SLMAP: variants seen among roughly 807,000 people sequenced by gnomAD.
SLMAP encodes sarcolemma associated protein.
A neutral mutation model predicts 128.8 loss-of-function variants in SLMAP; 44 were observed. The ratio of observed to expected loss-of-function variants is 0.34; its 90% CI spans 0.27 to 0.44. The LOEUF is 0.44. Among genes scored for constraint, SLMAP ranks in the 20% least tolerant of loss-of-function variants. The pLI, the probability that SLMAP is intolerant of heterozygous loss-of-function variation, is 1.00. For missense variants in SLMAP, 787 were observed against 985.3 expected, an observed-to-expected ratio of 0.80 and a Z score of 2.69; for synonymous variants, 327 against 348.8, an observed-to-expected ratio of 0.94 and a Z score of 0.70.
intron 14 of SLMAP, among the ~76,000 whole-genome samples, chr3:57,889,133 C>A (rs761493515): frequency 6.6e-6 from 1 of 152,226 alleles, no homozygotes; most frequent in Non-Finnish European, 1.5e-5. Flanking sequence ...ATCCACCCGC[C>A]TTGGCCTCCC....
chr3:57,758,224 C>T (rs988045599), intron 2 of SLMAP, among the ~76,000 whole-genome samples: 1 of 152,162 alleles, frequency 6.6e-6, no homozygotes, highest in African/African-American at 2.4e-5. Context: ...TCGGGGAATC[C>T]GTGGCCATTA....
intron 2 of SLMAP, among the ~76,000 whole-genome samples, chr3:57,818,957 G>A (rs2092232091): frequency 6.6e-6 from 1 of 152,174 alleles, no homozygotes; most frequent in African/African-American, 2.4e-5. Context: ...TATCATGAGA[G>A]GTGTTTGAAC....
intron 2 of SLMAP, among the ~76,000 whole-genome samples, chr3:57,796,713 T>C (rs2086815716): frequency 6.6e-6 from 1 of 152,208 alleles, no homozygotes; most frequent in African/African-American, 2.4e-5. Flanking sequence ...TCACAGAGAC[T>C]GATTATAAAA....
At chr3:57,796,701 C>T (rs935641357) in intron 2 of SLMAP, among the ~76,000 whole-genome samples, 1 of 152,112 alleles carries the variant, frequency 6.6e-6, no homozygotes, top group African/African-American at 2.4e-5. Context: ...ATAACAGTTT[C>T]ATCACAGAGA....
rs147345389 is a variant in SLMAP, at chr3:57,801,944, A to T, written c.199-29439A>T. On this transcript the variant is annotated intron_variant, in intron 2 of 24. Transcript: ENST00000671191. ...AATACTTTTTGCTACATTTGACAGT[A>T]ACAAACTGAATCCTTTAAATTTTTA... Among the ~76,000 whole-genome samples, 486 of 152,316 alleles carry T rather than the reference A, an allele frequency of 3.2e-3. 2 individuals carry two copies. Among genetic ancestry groups the T allele is most frequent in the Non-Finnish European group, 5.9e-3 (400 of 68,030 alleles).
At chr3:57,806,460 CAG>C (rs2089887485) in intron 2 of SLMAP, among the ~76,000 whole-genome samples, 2 of 151,572 alleles carry the variant, frequency 1.3e-5, no homozygotes, top group Admixed American at 1.3e-4. Flanking sequence ...TTTTTTGAGA[CAG>C]AGTCTTGCTC....
intron 2 of SLMAP, among the ~76,000 whole-genome samples, chr3:57,808,180 T>G (rs2090258293): frequency 6.6e-6 from 1 of 152,160 alleles, no homozygotes; most frequent in Non-Finnish European, 1.5e-5. Flanking sequence ...GCAGTCTATC[T>G]ATTTTGTTAA....
At chr3:57,780,286 A>G (rs1361566944) in intron 2 of SLMAP, among the ~76,000 whole-genome samples, 4 of 151,922 alleles carry the variant, frequency 2.6e-5, no homozygotes. Context: ...AGCTGGAACT[A>G]CAGGTGCACA....
intron 4 of SLMAP, among the ~76,000 whole-genome samples, chr3:57,842,899 T>G (rs2094006974): frequency 6.6e-6 from 1 of 152,176 alleles, no homozygotes. Flanking sequence ...AGTTGGGTAG[T>G]CCAGTTTAAA....
intron 13 of SLMAP, among the ~76,000 whole-genome samples, chr3:57,867,160 C>A (rs1448278999): frequency 6.6e-6 from 1 of 152,166 alleles, no homozygotes; most frequent in Non-Finnish European, 1.5e-5. Flanking sequence ...ACCTGGGCAA[C>A]AGAGTGAGAC....
intron 14 of SLMAP, among the ~76,000 whole-genome samples, chr3:57,879,935 G>T (rs1413058850): frequency 6.7e-6 from 1 of 148,512 alleles, no homozygotes; most frequent in Non-Finnish European, 1.5e-5. Flanking sequence ...GGGAGACAGT[G>T]TGAGACTCTG....
chr3:57,777,617 T>C (rs1178392182), intron 2 of SLMAP, among the ~76,000 whole-genome samples: 1 of 151,186 alleles, frequency 6.6e-6, no homozygotes. Context: ...AAGAAAAAAA[T>C]TGGCAAATAT....
chr3:57,798,539 A>G (rs1261769121), intron 2 of SLMAP, among the ~76,000 whole-genome samples: 2 of 152,212 alleles, frequency 1.3e-5, no homozygotes, highest in African/African-American at 4.8e-5. Flanking sequence ...AGGAAATGGC[A>G]TAAAACCCAA....
In SLMAP at chr3:57,929,168, A is replaced by G. The variant is rs1318638181; in HGVS notation, c.*1879A>G. The G allele has an allele frequency of 6.6e-6, 1 of 152,592 alleles. No individual in the cohort carries two copies. Among genetic ancestry groups the G allele is most frequent in the Non-Finnish European group, 1.5e-5 (1 of 68,008 alleles). 9.5% of individuals were successfully genotyped at this position (152,592 alleles called of 1,614,324 possible). A position where few individuals can be genotyped will look rare whatever the true frequency, so the allele number is the denominator to read the frequency against. On this transcript the variant is annotated 3_prime_UTR_variant, in exon 25 of 25. Transcript: ENST00000671191. Reference sequence around the variant, plus strand: ...TTAATAAAATAACTTTACTCTCCCTACGCATGTTTGAGTTGAATATCATTG... The same window carrying G: ...TTAATAAAATAACTTTACTCTCCCTGCGCATGTTTGAGTTGAATATCATTG...
chr3:57,902,565 A>G (rs941253021), intron 17 of SLMAP, among the ~76,000 whole-genome samples: 1 of 152,158 alleles, frequency 6.6e-6, no homozygotes, highest in African/African-American at 2.4e-5. Flanking sequence ...AGGCTTAATC[A>G]TTTGAGAGTC....
intron 2 of SLMAP, among the ~76,000 whole-genome samples, chr3:57,825,076 T>C (rs1269566702): frequency 6.6e-6 from 1 of 152,208 alleles, no homozygotes; most frequent in Non-Finnish European, 1.5e-5. Flanking sequence ...GTAGAAACAC[T>C]GTTTTTTGTG....
At chr3:57,863,586 A>G (rs1490467349) in intron 10 of SLMAP, among the ~76,000 whole-genome samples, 1 of 152,194 alleles carries the variant, frequency 6.6e-6, no homozygotes, top group Non-Finnish European at 1.5e-5. Flanking sequence ...TGGAGCTGGT[A>G]CGTGTTCCAT....
chr3:57,779,106 G>A (rs1432391612), intron 2 of SLMAP, among the ~76,000 whole-genome samples: 3 of 152,098 alleles, frequency 2.0e-5, no homozygotes, highest in Admixed American at 2.0e-4. Flanking sequence ...AGTATTGAAC[G>A]TGAATGAACA....
chr3:57,793,370 T>C (rs1438353940), intron 2 of SLMAP, among the ~76,000 whole-genome samples: 4 of 152,250 alleles, frequency 2.6e-5, no homozygotes, highest in Non-Finnish European at 5.9e-5. Context: ...TGATATTTTA[T>C]AGATTTCAAA....
Sources: allele counts gnomAD v4.1 joint callset (sites outside exome capture counted in the v4.1 genomes callset), GRCh38; gene constraint gnomAD v4.1.1; transcripts MANE v1.5; gene names NCBI Gene and HGNC (gene_info 2026-07-23, HGNC 2026-07-21).